The following UVSSA variants were observed in gnomAD, a reference collection of about 807,000 sequenced individuals.
The protein encoded by UVSSA is UV-stimulated scaffold protein A.
A neutral mutation model predicts 73.9 loss-of-function variants in UVSSA; 72 were observed. The ratio of observed to expected loss-of-function variants is 0.97; its 90% CI spans 0.81 to 1.19. UVSSA has a LOEUF of 1.19. Ranked by LOEUF, UVSSA falls within the 50% of genes most tolerant of loss-of-function variation. The probability of loss-of-function intolerance (pLI) is 0.00; values close to 1 mark genes in which losing one functional copy is unlikely to be tolerated. For synonymous variants in UVSSA, 454 were observed against 391.3 expected, an observed-to-expected ratio of 1.16 and a Z score of -1.89; for missense variants, 1,150 against 965.0, an observed-to-expected ratio of 1.19 and a Z score of -2.54.
chr4:1,394,194 A>C, exon 14 of UVSSA: 1 of 496,578 alleles, frequency 2.0e-6, no homozygotes, highest in Non-Finnish European at 3.6e-6. Context: ...GTGTGGGCAC[A>C]GCCTTCCATG....
chr4:1,348,409 C>T (rs954989184), intron 2 of UVSSA, among the ~76,000 whole-genome samples: 18 of 152,238 alleles, frequency 1.2e-4, no homozygotes, highest in Non-Finnish European at 2.2e-4. Context: ...TGGTGCTTCT[C>T]TTCATTCCCA....
chr4:1,378,395 A>G (rs1719030551), intron 10 of UVSSA, among the ~76,000 whole-genome samples: 2 of 152,218 alleles, frequency 1.3e-5, no homozygotes, highest in East Asian at 3.9e-4. Context: ...ACTACTAAAA[A>G]TATAAAAATT....
intron 10 of UVSSA, among the ~76,000 whole-genome samples, chr4:1,376,672 TGCA>T (rs1469848702): frequency 5.3e-5 from 8 of 152,166 alleles, no homozygotes; most frequent in Non-Finnish European, 1.0e-4. Context: ...TCTGTGAAGC[TGCA>T]GCAGAAGGGG....
At position 1,387,993 on chromosome 4, in the gene UVSSA, T is replaced by C. The variant is rs1348976767; in HGVS notation, c.*2032T>C. 6.6e-6 allele frequency: 1 copy of C among 151,926 alleles called. No homozygotes were observed. The highest frequency in any genetic ancestry group is 1.5e-5 in the Non-Finnish European group (1 of 67,976). 9.4% of individuals were successfully genotyped at this position (151,926 alleles called of 1,614,324 possible). A position where few individuals can be genotyped will look rare whatever the true frequency, so the allele number is the denominator to read the frequency against. Reference sequence around the variant, plus strand: ...GATTTTTGATAGGAATTACATTAAATCTAGAGATTGCTTTGGAATGTATTA... The same window carrying C: ...GATTTTTGATAGGAATTACATTAAACCTAGAGATTGCTTTGGAATGTATTA... On this transcript the variant is annotated 3_prime_UTR_variant, in exon 14 of 14. Transcript: ENST00000389851.
chr4:1,383,978 C>G (rs902938364), intron 13 of UVSSA, 38 bp downstream of exon 13: 2 of 1,584,196 alleles, frequency 1.3e-6, no homozygotes, highest in African/African-American at 2.7e-5. Flanking sequence ...ACCGCGTGGC[C>G]CCCCCGTGTG....
Position 1,386,117 on chromosome 4 carries a change from C to A in UVSSA, c.*156C>A. The A allele has an allele frequency of 2.6e-6, 2 of 777,000 alleles. No individual in the cohort carries two copies. The highest frequency in any genetic ancestry group is 4.2e-6 in the Non-Finnish European group (2 of 476,876). 48.1% of individuals were successfully genotyped at this position (777,000 alleles called of 1,614,324 possible). ...TGTTGCAATGCCCTGAAGGTACGGC[C>A]GCTCTGCTGCTACAGGGTTCGGCAT... On this transcript the variant is annotated 3_prime_UTR_variant, in exon 14 of 14. Coordinates refer to ENST00000389851, the MANE Select transcript of UVSSA (RefSeq NM_020894.4).
chr4:1,350,401 T>C (rs796906384), intron 3 of UVSSA, among the ~76,000 whole-genome samples: 5 of 152,298 alleles, frequency 3.3e-5, no homozygotes, highest in African/African-American at 1.2e-4. Context: ...GACCCAGCCC[T>C]GCTGGCTTCC....
intron 6 of UVSSA, 25 bp downstream of exon 6, chr4:1,354,872 G>T (rs1316467087): frequency 6.3e-7 from 1 of 1,590,490 alleles, no homozygotes; most frequent in Non-Finnish European, 8.6e-7. Context: ...TGGGACCTGT[G>T]GGTGGAGGGA....
At chr4:1,344,985 T>G (rs140204654), upstream of UVSSA, among the ~76,000 whole-genome samples, 155 of 152,260 alleles carry the variant, frequency 1.0e-3, no homozygotes, top group African/African-American at 3.4e-3. Context: ...ACCGGTGGGA[T>G]GCAGGGGGCA....
chr4:1,343,624 TA>T (rs1203900855), upstream of UVSSA, among the ~76,000 whole-genome samples: 1 of 152,062 alleles, frequency 6.6e-6, no homozygotes, highest in African/African-American at 2.4e-5. Flanking sequence ...CTGTCTCCAC[TA>T]AAAATACACA....
intron 13 of UVSSA, chr4:1,385,617 G>A (rs946493151): frequency 1.3e-5 from 7 of 540,146 alleles, no homozygotes; most frequent in Admixed American, 6.3e-5. Flanking sequence ...CACCTTCACC[G>A]CGCAGAACCA....
intron 13 of UVSSA, chr4:1,385,198 G>C (rs1464596128): frequency 6.6e-6 from 1 of 152,522 alleles, no homozygotes; most frequent in East Asian, 1.9e-4. Flanking sequence ...CCTCCCTACA[G>C]AAAGGATCTG....
At chr4:1,381,603 G>C (rs1389341393) in intron 12 of UVSSA, among the ~76,000 whole-genome samples, 1 of 151,806 alleles carries the variant, frequency 6.6e-6, no homozygotes, top group East Asian at 1.9e-4. Flanking sequence ...TGCCCACCCT[G>C]CATATCTGTT....
intron 7 of UVSSA, among the ~76,000 whole-genome samples, chr4:1,360,503 T>C (rs570379388): frequency 5.4e-4 from 82 of 152,260 alleles, no homozygotes; most frequent in African/African-American, 1.8e-3. Flanking sequence ...CCGGCCTCCT[T>C]GTCCAGGCCT....
intron 12 of UVSSA, among the ~76,000 whole-genome samples, chr4:1,382,762 A>G (rs371667525): frequency 1.1e-4 from 16 of 152,280 alleles, no homozygotes; most frequent in East Asian, 7.7e-4. Flanking sequence ...AGGCCTGGCC[A>G]TCCGTCCGAG....
downstream of UVSSA, chr4:1,391,485 A>T (rs1560499484): frequency 6.6e-6 from 1 of 152,152 alleles, no homozygotes; most frequent in Non-Finnish European, 1.5e-5. Context: ...TGTTAAGTGC[A>T]TCTGTATTTC....
chr4:1,382,905 T>G (rs907644551), intron 12 of UVSSA, among the ~76,000 whole-genome samples: 5 of 152,174 alleles, frequency 3.3e-5, no homozygotes, highest in Non-Finnish European at 7.4e-5. Flanking sequence ...CCCCCTTCTG[T>G]GAGCCAGGGT....
chr4:1,346,074 G>A (rs1021473161), upstream of UVSSA, among the ~76,000 whole-genome samples: 3 of 152,172 alleles, frequency 2.0e-5, no homozygotes, highest in African/African-American at 7.2e-5. Context: ...GCTAGGAGCT[G>A]GGAGCCACTG....
At chr4:1,343,943 T>C (rs960144191), upstream of UVSSA, among the ~76,000 whole-genome samples, 4 of 152,214 alleles carry the variant, frequency 2.6e-5, no homozygotes, top group African/African-American at 9.6e-5. Flanking sequence ...TGCTTTTACA[T>C]CACCTCAGTT....
Sources: gnomAD v4.1 joint callset for allele counts (sites outside exome capture counted in the v4.1 genomes callset) on GRCh38, gnomAD v4.1.1 for gene constraint, MANE v1.5 for transcripts, NCBI Gene and HGNC (gene_info 2026-07-23, HGNC 2026-07-21) for gene names.